The following NLK variants were observed in gnomAD, a reference collection of about 807,000 sequenced individuals.
NLK encodes serine/threonine-protein kinase NLK.
A neutral mutation model predicts 59.0 loss-of-function variants in NLK; 11 were observed. That is an observed-to-expected ratio of 0.19 (90% CI 0.12 to 0.31). NLK has a LOEUF of 0.31. NLK is among the 10% of genes least tolerant of loss of function. NLK has a pLI of 1.00. For missense variants in NLK, 410 were observed against 661.1 expected (o/e 0.62, Z 4.16); for synonymous variants, 235 against 235.9 (o/e 1.00, Z 0.03).
At position 28,167,835 on chromosome 17, in the gene NLK, AAAAT is replaced by A. The variant is rs887358632; in HGVS notation, c.838-605_838-602del. Among the ~76,000 whole-genome samples, 3 of 152,204 alleles carry A rather than the reference AAAAT, an allele frequency of 2.0e-5. No homozygotes were observed. The East Asian group carries it at 5.8e-4, about 30-fold the overall frequency. ...GAGACAGAGTGAGACCCTGTCTAAA[AAAAT>A]AAATAAAGTCGTTTACGTTCACCTA... On this transcript the variant is annotated intron_variant, in intron 5 of 10. Transcript: ENST00000407008.
At chr17:28,204,369 G>C in the NLK span, among the ~76,000 whole-genome samples, 1 of 152,226 alleles carries the variant, frequency 6.6e-6, no homozygotes, top group Non-Finnish European at 1.5e-5. Flanking sequence ...AACCTGCATG[G>C]TGTATGATGG....
At chr17:28,051,053 C>T (rs1909234458) in intron 1 of NLK, among the ~76,000 whole-genome samples, 1 of 150,340 alleles carries the variant, frequency 6.7e-6, no homozygotes, top group African/African-American at 2.5e-5. Context: ...GCACTCCAGC[C>T]CGGGCGACAG....
intron 1 of NLK, among the ~76,000 whole-genome samples, chr17:28,090,788 CTG>C (rs1368326751): frequency 2.0e-5 from 3 of 151,570 alleles, no homozygotes; most frequent in Non-Finnish European, 4.4e-5. Context: ...AGATGTTACT[CTG>C]TTATTTTCTG....
intron 1 of NLK, among the ~76,000 whole-genome samples, chr17:28,056,019 GC>G (rs947708195): frequency 6.6e-6 from 1 of 152,078 alleles, no homozygotes; most frequent in African/African-American, 2.4e-5. Context: ...CTTGAAAAAC[GC>G]AGAAGAGCTG....
chr17:28,128,438 G>T (rs1268090023), intron 2 of NLK, among the ~76,000 whole-genome samples: 1 of 152,090 alleles, frequency 6.6e-6, no homozygotes, highest in Non-Finnish European at 1.5e-5. Context: ...TGTTTTACTT[G>T]ATATTTTTCA....
intron 1 of NLK, among the ~76,000 whole-genome samples, chr17:28,084,015 A>G (rs2142769056): frequency 6.6e-6 from 1 of 152,300 alleles, no homozygotes; most frequent in South Asian, 2.1e-4. Flanking sequence ...ATCATGATAC[A>G]GCTGTGAGGG....
chr17:28,157,176 TC>T lies in NLK; in HGVS notation c.645-3983del, dbSNP rs1567730971. On this transcript the variant is annotated intron_variant, in intron 3 of 10. Coordinates refer to ENST00000407008, the MANE Select transcript of NLK (RefSeq NM_016231.5). ...GGACTACCAGCAAATGCCACAATGC[TC>T]ACCTATTTCTTAAAAAAAAAATTTT... 8.7e-3 allele frequency among the ~76,000 whole-genome samples: 1,324 copies of T among 151,420 alleles called. 21 individuals carry two copies. The highest frequency in any genetic ancestry group is 0.03 in the African/African-American group (1,247 of 41,210).
intron 3 of NLK, among the ~76,000 whole-genome samples, chr17:28,148,905 T>A (rs917205201): frequency 2.0e-5 from 3 of 152,194 alleles, no homozygotes; most frequent in African/African-American, 7.2e-5. Context: ...AAGGAAAGAC[T>A]AAACCTCAAA....
chr17:28,139,850 G>A (rs1567725131), intron 3 of NLK, among the ~76,000 whole-genome samples: 1 of 152,132 alleles, frequency 6.6e-6, no homozygotes, highest in Non-Finnish European at 1.5e-5. Context: ...TTTCCCTGAA[G>A]GAAGATACTA....
At chr17:28,160,588 G>A (rs1907966845) in intron 3 of NLK, among the ~76,000 whole-genome samples, 1 of 152,122 alleles carries the variant, frequency 6.6e-6, no homozygotes, top group Non-Finnish European at 1.5e-5. Context: ...GAAATCTAGT[G>A]GTGATGGTGG....
intron 1 of NLK, among the ~76,000 whole-genome samples, chr17:28,053,928 A>G (rs1160744143): frequency 1.3e-5 from 2 of 152,356 alleles, no homozygotes; most frequent in African/African-American, 2.4e-5. Flanking sequence ...AAAGGGTACA[A>G]TTATCAGGTG....
chr17:28,090,205 T>C (rs1377302242), intron 1 of NLK, among the ~76,000 whole-genome samples: 2 of 152,238 alleles, frequency 1.3e-5, no homozygotes, highest in Non-Finnish European at 2.9e-5. Context: ...TTATACTATT[T>C]TATGCATAGC....
intron 3 of NLK, 65 bp from the exon 4 acceptor site, chr17:28,161,095 T>C (rs1907985349): frequency 1.2e-6 from 1 of 844,216 alleles, no homozygotes; most frequent in South Asian, 1.4e-5. Context: ...TTTTTAGATC[T>C]GGTCACCACT....
intron 2 of NLK, among the ~76,000 whole-genome samples, chr17:28,131,779 T>G (rs1260558607): frequency 6.6e-6 from 1 of 152,140 alleles, no homozygotes; most frequent in Non-Finnish European, 1.5e-5. Flanking sequence ...ACGGGTACTA[T>G]GCTGCTTTTA....
At chr17:28,158,569 T>G (rs1907877450) in intron 3 of NLK, among the ~76,000 whole-genome samples, 1 of 152,230 alleles carries the variant, frequency 6.6e-6, no homozygotes, top group Non-Finnish European at 1.5e-5. Flanking sequence ...TTGTTAAATA[T>G]TTTACTCTTT....
chr17:28,163,625 A>G lies in NLK; in HGVS notation c.834A>G (p.Leu278=). The G allele has an allele frequency of 6.3e-7, 1 of 1,576,616 alleles. No individual in the cohort carries two copies. Among genetic ancestry groups the G allele is most frequent in the Non-Finnish European group, 8.7e-7 (1 of 1,149,506 alleles). ...TCCTTGTGAACAGCAACTGTGTTCT[A>G]AAGGTAGCTTTTCAGTTTATTTAAA... is the stretch of plus-strand genomic sequence containing the variant. The part of the protein sequence containing the change: ...GNLLVNSNCV[L]KICDFGLARV... The change falls in exon 5 of 11, where the codon CTA becomes CTG. Residue 278 remains leucine (L), a synonymous_variant. Coordinates refer to ENST00000407008, the MANE Select transcript of NLK (RefSeq NM_016231.5).
intron 1 of NLK, among the ~76,000 whole-genome samples, chr17:28,087,051 C>CAA (rs569131317): frequency 2.7e-5 from 3 of 112,672 alleles, no homozygotes; most frequent in Non-Finnish European, 3.7e-5. Context: ...TTGTCGCTCT[C>CAA]AAAAAAAAAA....
At chr17:28,160,654 A>G (rs1248371994) in intron 3 of NLK, among the ~76,000 whole-genome samples, 7 of 152,214 alleles carry the variant, frequency 4.6e-5, no homozygotes, top group East Asian at 1.9e-4. Flanking sequence ...CTAAATTACT[A>G]AGATTGTGGA....
intron 3 of NLK, among the ~76,000 whole-genome samples, chr17:28,155,210 A>T (rs1373044377): frequency 6.6e-6 from 1 of 152,156 alleles, no homozygotes; most frequent in Non-Finnish European, 1.5e-5. Flanking sequence ...TTGTTTTTAG[A>T]ACCTTATATT....
Sources: allele counts gnomAD v4.1 joint callset (sites outside exome capture counted in the v4.1 genomes callset), GRCh38; gene constraint gnomAD v4.1.1; transcripts MANE v1.5; gene names NCBI Gene and HGNC (gene_info 2026-07-23, HGNC 2026-07-21).